Variants in ARID4A observed in about 807,000 individuals in gnomAD.
ARID4A encodes the protein AT-rich interactive domain-containing protein 4A.
Under a neutral mutation model 148.6 loss-of-function variants are expected in ARID4A, and 39 were observed. That is an observed-to-expected ratio of 0.26 (90% confidence interval 0.20 to 0.34). ARID4A has a LOEUF of 0.34. ARID4A is among the 10% of genes least tolerant of loss of function. ARID4A has a pLI of 1.00. For missense variants in ARID4A, 1,265 were observed against 1,449.1 expected, an observed-to-expected ratio of 0.87 and a Z score of 2.06; for synonymous variants, 475 against 481.2, an observed-to-expected ratio of 0.99 and a Z score of 0.17.
chr14:58,346,564 T>A, intron 13 of ARID4A, 59 bp downstream of exon 13: 1 of 1,074,980 alleles, frequency 9.3e-7, no homozygotes. Context: ...TAAGTTATCT[T>A]ATATTGCATT....
chr14:58,366,203 A>G lies in ARID4A; in HGVS notation c.3496A>G (p.Arg1166Gly), dbSNP rs1399432470. Residue 1166 changes from arginine to glycine, a missense_variant, in exon 22 of 24, where the codon AGG becomes GGG. Physicochemically the swap from Arg to Gly is moderately radical, Grantham distance 125. This residue lies in a region of ARID4A where 666 missense variants were observed against 730.9 expected (regional missense o/e 0.91). Transcript: ENST00000355431. ...HREKHPNSSP[R>G]TYKWSFQLNE... ...AGAAAAACATCCGAATTCATCCCCT[A>G]GGACATATAAATGGAGCTTTCAGCT... 1.2e-6 allele frequency: 2 copies of G among 1,613,738 alleles called. No individual in the cohort carries two copies. Among genetic ancestry groups the G allele is most frequent in the Non-Finnish European group, 1.7e-6 (2 of 1,179,698 alleles).
At chr14:58,348,826 T>C (rs546482808) in intron 15 of ARID4A, among the ~76,000 whole-genome samples, 1 of 152,252 alleles carries the variant, frequency 6.6e-6, no homozygotes, top group African/African-American at 2.4e-5. Context: ...CAAATTGTTT[T>C]TTTTTAATTT....
intron 11 of ARID4A, among the ~76,000 whole-genome samples, chr14:58,342,802 A>G (rs940415663): frequency 6.6e-6 from 1 of 152,116 alleles, no homozygotes; most frequent in Non-Finnish European, 1.5e-5. Flanking sequence ...AATCCCAGCT[A>G]CTCAGGAGCC....
intron 5 of ARID4A, among the ~76,000 whole-genome samples, chr14:58,310,599 C>G (rs2031951328): frequency 6.6e-6 from 1 of 152,034 alleles, no homozygotes; most frequent in Non-Finnish European, 1.5e-5. Context: ...CCTCATCTCA[C>G]TCGATATACA....
intron 5 of ARID4A, among the ~76,000 whole-genome samples, 157 bp downstream of exon 5, chr14:58,306,269 G>A (rs1017894390): frequency 2.0e-5 from 3 of 152,098 alleles, no homozygotes; most frequent in African/African-American, 7.2e-5. Context: ...TGCCCTGTAG[G>A]TAACAAAAAT....
At position 58,355,254 on chromosome 14, in the gene ARID4A, A is replaced by G. The variant is rs560094074; in HGVS notation, c.1853+1399A>G. ...TATAACTCAAGTCCCTCATCTCTACACTGGGAAAAATACAGTTCCTATTTT... is the reference window on the plus strand; with the variant it reads ...TATAACTCAAGTCCCTCATCTCTACGCTGGGAAAAATACAGTTCCTATTTT... On this transcript the variant is annotated intron_variant, in intron 17 of 23. Transcript: ENST00000355431. Among the ~76,000 whole-genome samples the G allele has an allele frequency of 1.1e-3, 172 of 152,230 alleles. 2 individuals are homozygous for G. Among genetic ancestry groups the G allele is most frequent in the African/African-American group, 4.1e-3 (170 of 41,520 alleles).
At position 58,360,965 on chromosome 14, in the gene ARID4A, G is replaced by T; in HGVS notation, c.2003G>T (p.Arg668Leu). Residue 668 changes from arginine to leucine, a missense_variant, in exon 19 of 24, where the codon CGA (arginine) becomes CTA (leucine). Arg to Leu is a moderately radical substitution (Grantham distance 102). Transcript: ENST00000355431. Reference protein sequence around the residue: ...DEERQKSKRGRPPLKSTLSSN... With the variant: ...DEERQKSKRGLPPLKSTLSSN... ...GAGAGGCAGAAGTCAAAACGGGGAC[G>T]ACCTCCTTTAAAATCAACCCTCTCA... 1 of 1,614,062 alleles carries T rather than the reference G, an allele frequency of 6.2e-7. No homozygotes were observed. The highest frequency in any genetic ancestry group is 1.1e-5 in the South Asian group (1 of 91,066).
Position 58,359,128 on chromosome 14 carries a change from T to G in ARID4A, c.1854-4T>G. Reference sequence around the variant, plus strand: ...AACTCTTTTTTTTTTTTTTTTTTTTTAAGGTATGATGAGTGGGTGAAGGCT... The same window carrying G: ...AACTCTTTTTTTTTTTTTTTTTTTTGAAGGTATGATGAGTGGGTGAAGGCT... On this transcript the variant is annotated splice_region_variant and splice_polypyrimidine_tract_variant and intron_variant, in intron 17 of 23. Transcript: ENST00000355431. The G allele has an allele frequency of 6.4e-7, 1 of 1,551,460 alleles. No individual in the cohort carries two copies. The highest frequency in any genetic ancestry group is 8.7e-7 in the Non-Finnish European group (1 of 1,155,150).
In ARID4A at chr14:58,318,697, T is replaced by TC; in HGVS notation, c.355-14_355-13insC. ...GAGGTAAAACGTAATTTAATTAATC[T>TC]ATTTCTTATACAGACACTTGACCAG... On this transcript the variant is annotated splice_polypyrimidine_tract_variant and intron_variant, in intron 6 of 23. Transcript: ENST00000355431. 1.9e-6 allele frequency: 3 copies of TC among 1,613,572 alleles called. No individual in the cohort carries two copies. The highest frequency in any genetic ancestry group is 2.5e-6 in the Non-Finnish European group (3 of 1,179,496).
At chr14:58,319,958 T>C (rs554891763) in intron 7 of ARID4A, among the ~76,000 whole-genome samples, 9 of 147,580 alleles carry the variant, frequency 6.1e-5, no homozygotes, top group African/African-American at 9.9e-5. Context: ...CTTTTTTTTT[T>C]TTTTTTTTGA....
At chr14:58,338,701 A>C (rs939201354) in intron 11 of ARID4A, among the ~76,000 whole-genome samples, 41 of 152,134 alleles carry the variant, frequency 2.7e-4, no homozygotes, top group African/African-American at 9.4e-4. Flanking sequence ...CATCATAAAG[A>C]AATTTAAATT....
intron 9 of ARID4A, 134 bp downstream of exon 9, chr14:58,328,450 A>C (rs1482164298): frequency 9.4e-6 from 5 of 533,872 alleles, no homozygotes; most frequent in Non-Finnish European, 1.6e-5. Flanking sequence ...GTTACCTAAT[A>C]GGTTTTGACT....
rs1284234692 is a variant in ARID4A at position 58,320,438 on chromosome 14, C to G, written c.449+1633C>G. Among the ~76,000 whole-genome samples, 7 of 152,166 alleles carry G rather than the reference C, an allele frequency of 4.6e-5. No homozygotes were observed. In the East Asian group the frequency reaches 1.4e-3, roughly 29 times the overall value. ...CTATCATAATATATGGTTAATATTT[C>G]AAACTTTGTCAGTTGTTCCAATAAT... On this transcript the variant is annotated intron_variant, in intron 7 of 23. Coordinates refer to ENST00000355431, the MANE Select transcript of ARID4A (RefSeq NM_002892.4).
chr14:58,358,940 T>C (rs1940685415), intron 17 of ARID4A, among the ~76,000 whole-genome samples, 192 bp from the exon 18 acceptor site: 1 of 152,178 alleles, frequency 6.6e-6, no homozygotes, highest in African/African-American at 2.4e-5. Flanking sequence ...CTAGTGAGTA[T>C]ACAAAATACC....
chr14:58,318,011 C>T (rs1018942056), intron 5 of ARID4A, among the ~76,000 whole-genome samples: 1 of 151,806 alleles, frequency 6.6e-6, no homozygotes, highest in Non-Finnish European at 1.5e-5. Flanking sequence ...TACTTACATC[C>T]TTTTCTAACA....
intron 5 of ARID4A, among the ~76,000 whole-genome samples, chr14:58,315,329 A>T (rs1184899954): frequency 6.6e-6 from 1 of 152,172 alleles, no homozygotes; most frequent in Non-Finnish European, 1.5e-5. Flanking sequence ...GTGATTATTG[A>T]AATTTTTGAA....
In ARID4A at chr14:58,318,797, T is replaced by A; in HGVS notation, c.441T>A (p.Ser147=). The part of the protein sequence containing the change: ...AKKTNRGRRS[S]LPVTEDEKEE... The stretch of plus-strand genomic sequence containing the variant: ...AGACGAACAGAGGAAGGAGATCTTC[T>A]CTTCCTGTGTGAGTTTTTTCATATA... Residue 147 remains serine (S), a synonymous_variant, in exon 7 of 24, where the codon TCT becomes TCA. Transcript: ENST00000355431. 2 of 1,611,152 alleles carry A rather than the reference T, an allele frequency of 1.2e-6. No individual in the cohort carries two copies. The highest frequency in any genetic ancestry group is 1.7e-6 in the Non-Finnish European group (2 of 1,177,434).
intron 7 of ARID4A, among the ~76,000 whole-genome samples, chr14:58,322,980 A>AATAT (rs1220546707): frequency 8.6e-4 from 98 of 114,242 alleles, no homozygotes; most frequent in Middle Eastern, 5.8e-3. Context: ...AAAAAAAAAA[A>AATAT]ATATATATAT....
intron 23 of ARID4A, 107 bp downstream of exon 23, chr14:58,367,136 C>T: frequency 1.1e-6 from 1 of 886,440 alleles, no homozygotes; most frequent in Non-Finnish European, 1.6e-6. Flanking sequence ...TCATTAATTG[C>T]TGTTTTTAAA....
Sources: gnomAD v4.1 joint callset for allele counts (sites outside exome capture counted in the v4.1 genomes callset) on GRCh38, gnomAD v4.1.1 for gene constraint, gnomAD v4.1.1 regional missense constraint, MANE v1.5 for transcripts, NCBI Gene and HGNC (gene_info 2026-07-23, HGNC 2026-07-21) for gene names.